COL25A1: variants seen among roughly 807,000 people sequenced by gnomAD.
COL25A1 encodes collagen type XXV alpha 1 chain.
A neutral mutation model predicts 128.4 loss-of-function variants in COL25A1; 103 were observed. The observed-to-expected ratio is 0.80, with a 90% CI of 0.68 to 0.94. The LOEUF is 0.94. COL25A1 is among the 40% of genes least tolerant of loss of function. The probability of loss-of-function intolerance (pLI) is 0.00; values close to 1 mark genes in which losing one functional copy is unlikely to be tolerated. For missense variants in COL25A1, 745 were observed against 840.0 expected (o/e 0.89, Z 1.40); for synonymous variants, 279 against 277.2 (o/e 1.01, Z -0.06).
intron 3 of COL25A1, among the ~76,000 whole-genome samples, chr4:109,080,755 T>C (rs1274649725): frequency 6.6e-6 from 1 of 152,204 alleles, no homozygotes; most frequent in Non-Finnish European, 1.5e-5. Context: ...CAATTGTACA[T>C]AATTAGATTT....
intron 5 of COL25A1, among the ~76,000 whole-genome samples, chr4:109,033,542 GAAAC>G (rs1267251915): frequency 6.6e-6 from 1 of 152,168 alleles, no homozygotes; most frequent in Non-Finnish European, 1.5e-5. Context: ...ATTTTGAAAG[GAAAC>G]AAAACATTTG....
Position 109,013,478 on chromosome 4 carries a change from C to A in COL25A1, c.421-3103G>T, listed in dbSNP as rs938995775. Among the ~76,000 whole-genome samples, 6 of 55,362 alleles carry A rather than the reference C, an allele frequency of 1.1e-4. No individual in the cohort carries two copies. The East Asian group carries it at 4.2e-3, about 39-fold the overall frequency. 36.3% of individuals were successfully genotyped at this position (55,362 alleles called of 152,430 possible). A position where few individuals can be genotyped will look rare whatever the true frequency, so the allele number is the denominator to read the frequency against. ...GCCAGCAGCAGCAACTTGCTCGAGT[C>A]CCCTTCCACACTGTGTAGGCTTTGT... On this transcript the variant is annotated intron_variant, in intron 5 of 37. Coordinates refer to ENST00000399132, the MANE Select transcript of COL25A1 (RefSeq NM_198721.4).
chr4:108,815,714 A>ACCATTTCATGAACCAAAAAGATGATGC (rs1295900227), intron 37 of COL25A1, among the ~76,000 whole-genome samples: 1 of 152,250 alleles, frequency 6.6e-6, no homozygotes, highest in East Asian at 1.9e-4. Context: ...AATTTCATGA[A>ACCATTTCATGAACCAAAAAGATGATGC]CCATTTCATG....
At chr4:108,848,853 C>T (rs1436370899) in intron 26 of COL25A1, 50 bp from the exon 27 acceptor site, 3 of 1,400,088 alleles carry the variant, frequency 2.1e-6, no homozygotes, top group Non-Finnish European at 3.0e-6. Flanking sequence ...TGGTAACATA[C>T]TGCACTACAT....
At chr4:108,898,860 G>A (rs1742460294) in intron 15 of COL25A1, among the ~76,000 whole-genome samples, 1 of 151,952 alleles carries the variant, frequency 6.6e-6, no homozygotes, top group Admixed American at 6.6e-5. Context: ...AGGTACATCG[G>A]CACCTTTCTC....
intron 3 of COL25A1, among the ~76,000 whole-genome samples, chr4:109,097,083 G>A (rs562119930): frequency 7.0e-4 from 106 of 152,188 alleles, no homozygotes; most frequent in Non-Finnish European, 1.2e-3. Context: ...AAGGAACTTC[G>A]TGTTATGCTG....
chr4:108,891,399 A>G (rs1741482474), intron 16 of COL25A1, among the ~76,000 whole-genome samples: 1 of 152,226 alleles, frequency 6.6e-6, no homozygotes, highest in Non-Finnish European at 1.5e-5. Flanking sequence ...CTTGCCAATC[A>G]TTAATATCCA....
intron 3 of COL25A1, among the ~76,000 whole-genome samples, chr4:109,252,150 T>C (rs955688648): frequency 3.3e-5 from 5 of 152,208 alleles, no homozygotes; most frequent in African/African-American, 4.8e-5. Flanking sequence ...ACATCACATA[T>C]AGGGAAGGCA....
chr4:109,135,734 T>C (rs1251600247), intron 3 of COL25A1, among the ~76,000 whole-genome samples: 1 of 152,146 alleles, frequency 6.6e-6, no homozygotes, highest in African/African-American at 2.4e-5. Context: ...TCATAAAGCA[T>C]GAGAGGCAAA....
At chr4:108,891,263 C>T (rs745889894) in intron 16 of COL25A1, among the ~76,000 whole-genome samples, 8 of 152,030 alleles carry the variant, frequency 5.3e-5, no homozygotes, top group African/African-American at 1.4e-4. Context: ...TTAAGTAAAC[C>T]GATAGTTATG....
intron 3 of COL25A1, among the ~76,000 whole-genome samples, chr4:109,167,085 A>G (rs926777232): frequency 1.3e-5 from 2 of 152,220 alleles, no homozygotes; most frequent in African/African-American, 4.8e-5. Context: ...GAATCTTATA[A>G]AATTGAGTGA....
At chr4:109,163,937 C>A (rs1163508824) in intron 3 of COL25A1, among the ~76,000 whole-genome samples, 7 of 152,136 alleles carry the variant, frequency 4.6e-5, no homozygotes, top group Admixed American at 4.6e-4. Flanking sequence ...TAAATTGCTT[C>A]AACACTTCTG....
intron 3 of COL25A1, among the ~76,000 whole-genome samples, chr4:109,182,936 G>GCA (rs139164897): frequency 9.9e-5 from 15 of 151,856 alleles, no homozygotes; most frequent in East Asian, 5.8e-4. Context: ...AGAGGTCATA[G>GCA]CACACACACA....
chr4:109,031,528 C>T (rs1049888340), intron 5 of COL25A1, among the ~76,000 whole-genome samples: 3 of 152,146 alleles, frequency 2.0e-5, no homozygotes, highest in South Asian at 2.1e-4. Context: ...CTTAAGGATG[C>T]CAGCAGCTGG....
At position 108,974,532 on chromosome 4, in the gene COL25A1, C is replaced by G; in HGVS notation, c.465+1G>C. On this transcript the variant is annotated splice_donor_variant, in intron 7 of 37. Transcript: ENST00000399132. LOFTEE classifies it high-confidence loss of function. ...TTTATTTCTGGTATGCATTTTCTTA[C>G]CTTATCGCCTTTTGGACCAGGAGGG... 6.2e-7 allele frequency: 1 copy of G among 1,609,000 alleles called. No homozygotes were observed. Among genetic ancestry groups the G allele is most frequent in the Non-Finnish European group, 8.5e-7 (1 of 1,178,282 alleles).
chr4:109,171,481 G>A (rs992610663), intron 3 of COL25A1, among the ~76,000 whole-genome samples: 3 of 152,180 alleles, frequency 2.0e-5, no homozygotes, highest in Admixed American at 2.0e-4. Context: ...ATAAGTGTTT[G>A]TTGCTTAAAC....
chr4:109,103,069 C>A (rs78664874), intron 3 of COL25A1, among the ~76,000 whole-genome samples: 3,965 of 152,232 alleles, frequency 0.026, 201 homozygotes, highest in African/African-American at 0.09. Context: ...TCTCTTAACA[C>A]AGAAACCTTT....
At chr4:108,995,334 A>G (rs566474038) in intron 6 of COL25A1, among the ~76,000 whole-genome samples, 2 of 152,352 alleles carry the variant, frequency 1.3e-5, no homozygotes, top group South Asian at 4.1e-4. Context: ...ACAAGCTTCA[A>G]TAGTCGATTC....
Position 108,843,148 on chromosome 4 carries a change from C to CAA in COL25A1, c.1629+1369_1629+1370dup, listed in dbSNP as rs540931971. Among the ~76,000 whole-genome samples the CAA allele has an allele frequency of 3.1e-3, 268 of 87,846 alleles. 2 individuals carry two copies. The highest frequency in any genetic ancestry group is 6.1e-3 in the Middle Eastern group (1 of 164). The allele number at this position is 87,846 out of a possible 152,430, so 57.6% of individuals were successfully genotyped here. ...TGGGTGACAGAGTGAGACCCTGTCT[C>CAA]AAAAAAAAAAAAAAAAAAAAAAGAG... On this transcript the variant is annotated intron_variant, in intron 30 of 37. Transcript: ENST00000399132.
Sources: gnomAD v4.1 joint callset for allele counts (sites outside exome capture counted in the v4.1 genomes callset) on GRCh38, gnomAD v4.1.1 for gene constraint, MANE v1.5 for transcripts, NCBI Gene and HGNC (gene_info 2026-07-23, HGNC 2026-07-21) for gene names.